Variants in MYO9A observed in about 807,000 individuals in gnomAD.
MYO9A encodes unconventional myosin-IXa.
Under a neutral mutation model 293.3 loss-of-function variants are expected in MYO9A, and 103 were observed. The observed-to-expected ratio is 0.35, with a 90% CI of 0.30 to 0.41. The LOEUF is 0.41. Among genes scored for constraint, MYO9A ranks in the 10% least tolerant of loss-of-function variants. MYO9A has a pLI of 1.00. For synonymous variants in MYO9A, 1,001 were observed against 1,035.7 expected, an observed-to-expected ratio of 0.97 and a Z score of 0.64; for missense variants, 2,685 against 3,033.0, an observed-to-expected ratio of 0.89 and a Z score of 2.69.
At chr15:71,953,899 T>TTTTGTTTTG (rs963177333) in intron 14 of MYO9A, among the ~76,000 whole-genome samples, 2 of 151,846 alleles carry the variant, frequency 1.3e-5, no homozygotes, top group Non-Finnish European at 1.5e-5. Context: ...TTTTGTTTTG[T>TTTTGTTTTG]TTTGTTTTGT....
chr15:71,925,293 A>G (rs1049653040), intron 18 of MYO9A, among the ~76,000 whole-genome samples: 2 of 150,828 alleles, frequency 1.3e-5, no homozygotes, highest in African/African-American at 4.9e-5. Context: ...ATACACGTGT[A>G]TGTACATATA....
chr15:71,876,103 C>T (rs2056674291), intron 31 of MYO9A, among the ~76,000 whole-genome samples: 1 of 151,964 alleles, frequency 6.6e-6, no homozygotes, highest in South Asian at 2.1e-4. Flanking sequence ...CCAGAAGCCA[C>T]CGCCATATTA....
At chr15:71,977,638 A>C (rs1016626087) in intron 12 of MYO9A, among the ~76,000 whole-genome samples, 10 of 152,220 alleles carry the variant, frequency 6.6e-5, no homozygotes, top group African/African-American at 2.4e-4. Context: ...AAAAAAAGTC[A>C]ACAAGTTTGA....
chr15:71,961,452 T>C (rs552719294), intron 13 of MYO9A, among the ~76,000 whole-genome samples: 3 of 152,318 alleles, frequency 2.0e-5, no homozygotes, highest in South Asian at 2.1e-4. Context: ...TAGGTAACAC[T>C]TGAGAGGTTA....
At chr15:71,893,417 G>A in intron 26 of MYO9A, 1 of 489,866 alleles carries the variant, frequency 2.0e-6, no homozygotes, top group South Asian at 2.2e-5. Context: ...AGCCAAAGAA[G>A]TCATCTTTCA....
At position 71,916,440 on chromosome 15, in the gene MYO9A, T is replaced by C. The variant is rs376325881; in HGVS notation, c.2615A>G (p.Asp872Gly). Residue 872 changes from aspartate (D) to glycine (G), a missense_variant, in exon 19 of 42, where the codon GAT becomes GGT. Around this residue, in one of 10 missense-constraint regions of MYO9A, gnomAD observed 1,434 missense variants for 1,497.7 expected, o/e 0.96. Coordinates refer to ENST00000356056, the MANE Select transcript of MYO9A (RefSeq NM_006901.4). ...LKHLTRLTLQ[D>G]RITKSLLHLH... The stretch of plus-strand genomic sequence containing the variant: ...ATGAAGAAGAGACTTGGTAATGCGA[T>C]CTTGTAGTGTCAGTCTTGTCAGGTG... 22 of 1,613,522 alleles carry C rather than the reference T, an allele frequency of 1.4e-5. No homozygotes were observed. Among genetic ancestry groups the C allele is most frequent in the Admixed American group, 5.0e-5 (3 of 59,972 alleles).
At chr15:72,116,372 T>C (rs1178018511) in intron 1 of MYO9A, among the ~76,000 whole-genome samples, 3 of 152,242 alleles carry the variant, frequency 2.0e-5, no homozygotes, top group Non-Finnish European at 4.4e-5. Flanking sequence ...GATCATTTGA[T>C]GCAACATTAC....
intron 15 of MYO9A, among the ~76,000 whole-genome samples, chr15:71,942,109 T>C (rs2058792729): frequency 1.3e-5 from 2 of 152,062 alleles, no homozygotes; most frequent in Admixed American, 6.6e-5. Context: ...TGTGTGTATA[T>C]ACATATACAA....
At chr15:71,955,552 G>A (rs1317522087) in intron 14 of MYO9A, among the ~76,000 whole-genome samples, 4 of 152,092 alleles carry the variant, frequency 2.6e-5, no homozygotes, top group Admixed American at 2.0e-4. Flanking sequence ...TTTCATTGCT[G>A]AGTAATGTTA....
chr15:71,838,278 C>T (rs913321008), intron 39 of MYO9A, among the ~76,000 whole-genome samples: 6 of 152,002 alleles, frequency 3.9e-5, no homozygotes, highest in Non-Finnish European at 8.8e-5. Context: ...TACGTCACTT[C>T]CCTTTTACTT....
intron 39 of MYO9A, among the ~76,000 whole-genome samples, chr15:71,834,509 T>C (rs1015815836): frequency 2.0e-5 from 3 of 152,112 alleles, no homozygotes; most frequent in Non-Finnish European, 4.4e-5. Flanking sequence ...CAGTAGTGCA[T>C]GCCCACAATC....
intron 15 of MYO9A, among the ~76,000 whole-genome samples, chr15:71,945,122 T>C (rs771205019): frequency 6.6e-6 from 1 of 152,194 alleles, no homozygotes; most frequent in Non-Finnish European, 1.5e-5. Context: ...ATATAGTTTT[T>C]AGAGGAACAA....
At chr15:72,113,892 C>CTTTTAAAACG (rs1332047304) in intron 1 of MYO9A, among the ~76,000 whole-genome samples, 1 of 152,090 alleles carries the variant, frequency 6.6e-6, no homozygotes, top group Non-Finnish European at 1.5e-5. Flanking sequence ...GAGCTAACCT[C>CTTTTAAAACG]TTTTAAAACG....
chr15:71,971,012 T>C (rs990000330), intron 12 of MYO9A, among the ~76,000 whole-genome samples: 2 of 151,558 alleles, frequency 1.3e-5, no homozygotes, highest in African/African-American at 4.9e-5. Flanking sequence ...CACAAAAAAA[T>C]TAGCCGGGCA....
At chr15:71,871,302 G>C (rs1435566833) in intron 32 of MYO9A, among the ~76,000 whole-genome samples, 2 of 152,162 alleles carry the variant, frequency 1.3e-5, no homozygotes, top group Non-Finnish European at 2.9e-5. Context: ...TCGAGCCCAA[G>C]AGGTCAAGGC....
At chr15:72,010,916 G>C (rs1276550164) in intron 6 of MYO9A, among the ~76,000 whole-genome samples, 1 of 152,102 alleles carries the variant, frequency 6.6e-6, no homozygotes, top group Non-Finnish European at 1.5e-5. Context: ...AATTTTAGAA[G>C]AGGCAATAAT....
intron 14 of MYO9A, among the ~76,000 whole-genome samples, chr15:71,956,330 A>AATATATATATATATATATATATATATAT (rs1555490832): frequency 2.6e-5 from 2 of 75,580 alleles, no homozygotes; most frequent in African/African-American, 6.0e-5. Flanking sequence ...AAAAAAAAAA[A>AATATATATATATATATATATATATATAT]ATATATATAT....
chr15:71,994,735 T>G, intron 9 of MYO9A, 150 bp from the exon 10 acceptor site: 1 of 541,850 alleles, frequency 1.8e-6, no homozygotes, highest in Admixed American at 3.5e-5. Context: ...TAACTAAAGT[T>G]TTTTGTTTGT....
At position 71,862,517 on chromosome 15, in the gene MYO9A, C is replaced by T. The variant is rs770461224; in HGVS notation, c.6074G>A (p.Arg2025Gln). ...YCSSLIWIMD[R>Q]ASVCKLCKYA... ...ATACTTACATTTGCAAACAGAGGCT[C>T]GGTCCATTATCCATATCAAAGAAGA... Residue 2025 changes from arginine (R) to glutamine (Q), a missense_variant, in exon 33 of 42, where the codon CGA becomes CAA. Physicochemically the swap from Arg to Gln is conservative, Grantham distance 43 (BLOSUM62 1). This residue lies in a region of MYO9A where 14 missense variants were observed against 38.0 expected (regional missense o/e 0.37). Transcript: ENST00000356056. 3.7e-6 allele frequency: 6 copies of T among 1,607,396 alleles called. No individual in the cohort carries two copies. The highest frequency in any genetic ancestry group is 4.5e-5 in the East Asian group (2 of 44,782).
Sources: allele counts gnomAD v4.1 joint callset (sites outside exome capture counted in the v4.1 genomes callset), GRCh38; gene constraint gnomAD v4.1.1; regional missense constraint gnomAD v4.1.1; transcripts MANE v1.5; gene names NCBI Gene and HGNC (gene_info 2026-07-23, HGNC 2026-07-21).